ETFBKMT: variants seen among roughly 807,000 people sequenced by gnomAD.
ETFBKMT encodes electron transfer flavoprotein beta subunit lysine methyltransferase.
In ETFBKMT, 13 loss-of-function variants were observed where a neutral mutation model predicts 18.3. That is an observed-to-expected ratio of 0.71 (90% CI 0.46 to 1.13). The LOEUF (loss-of-function observed/expected upper bound fraction) is 1.13, where lower values mean the gene tolerates loss of function less well. ETFBKMT is among the 50% of genes most tolerant of loss of function. The pLI is 0.00. For missense variants in ETFBKMT, 293 were observed against 306.2 expected (o/e 0.96, Z 0.32); for synonymous variants, 84 against 107.9 (o/e 0.78, Z 1.37).
chr12:31,671,528 C>T lies in ETFBKMT; in HGVS notation c.*3538C>T, dbSNP rs1307947133. 2.0e-5 allele frequency: 3 copies of T among 152,092 alleles called. No homozygotes were observed. Among genetic ancestry groups the T allele is most frequent in the Non-Finnish European group, 4.4e-5 (3 of 68,004 alleles). The allele number at this position is 152,092 out of a possible 1,614,324, so 9.4% of individuals were successfully genotyped here. A position where few individuals can be genotyped will look rare whatever the true frequency, so the allele number is the denominator to read the frequency against. Reference sequence around the variant, plus strand: ...AAAGTTTTCACTTGAAAACTAAGACCTTTGCTGTTTATTTCACAATGTGAA... The same window carrying T: ...AAAGTTTTCACTTGAAAACTAAGACTTTTGCTGTTTATTTCACAATGTGAA... On this transcript the variant is annotated 3_prime_UTR_variant, in exon 4 of 4. Coordinates refer to ENST00000357721, the MANE Select transcript of ETFBKMT (RefSeq NM_001135863.2).
chr12:31,649,874 A>G (rs890580824), intron 1 of ETFBKMT, among the ~76,000 whole-genome samples: 1 of 148,600 alleles, frequency 6.7e-6, no homozygotes, highest in African/African-American at 2.5e-5. Context: ...CTCCTGCCTC[A>G]GCCCCCTGAG....
rs765595766 is a variant in ETFBKMT at position 31,667,803 on chromosome 12, A to C, written c.602A>C (p.Gln201Pro). 6.2e-7 allele frequency: 1 copy of C among 1,614,238 alleles called. No individual in the cohort carries two copies. The highest frequency in any genetic ancestry group is 1.1e-5 in the South Asian group (1 of 91,090). ...GAAGACCTTGCAGATAGTCTTCATC[A>C]GTGGCTGAAGAAGTGCTTCTGGACC... ...YDEDLADSLH[Q>P]WLKKCFWTYR... The change falls in exon 4 of 4, where the codon CAG becomes CCG. Residue 201 changes from glutamine (Q) to proline (P), a missense_variant. Coordinates refer to ENST00000357721, the MANE Select transcript of ETFBKMT (RefSeq NM_001135863.2).
At chr12:31,653,844 A>G (rs564287402) in intron 1 of ETFBKMT, among the ~76,000 whole-genome samples, 406 of 151,980 alleles carry the variant, frequency 2.7e-3, no homozygotes, top group Middle Eastern at 6.8e-3. Context: ...GCTATTGGGG[A>G]GGCTGAGGTG....
upstream of ETFBKMT, among the ~76,000 whole-genome samples, chr12:31,658,921 T>C (rs1424638168): frequency 1.6e-5 from 2 of 128,266 alleles, no homozygotes; most frequent in Non-Finnish European, 3.2e-5. Flanking sequence ...GGGCTTATAC[T>C]GTGTCTTTTT....
At chr12:31,665,412 G>A (rs1202570145) in intron 2 of ETFBKMT, among the ~76,000 whole-genome samples, 1 of 152,190 alleles carries the variant, frequency 6.6e-6, no homozygotes, top group African/African-American at 2.4e-5. Flanking sequence ...ACTTGCCAAG[G>A]TTGGACCAAG....
At chr12:31,655,010 C>T (rs577784904), upstream of ETFBKMT, among the ~76,000 whole-genome samples, 9 of 151,058 alleles carry the variant, frequency 6.0e-5, 1 homozygote, top group Non-Finnish European at 1.3e-4. Context: ...GAGCCAAGAT[C>T]GCGCCACTGC....
intron 1 of ETFBKMT, chr12:31,661,115 TTAAAG>T (rs1455328167): frequency 3.9e-5 from 6 of 152,220 alleles, no homozygotes; most frequent in African/African-American, 9.6e-5. Flanking sequence ...CAGAGATGAT[TTAAAG>T]TAAAGTATAC....
At chr12:31,655,301 A>G (rs1951052317), upstream of ETFBKMT, among the ~76,000 whole-genome samples, 1 of 152,216 alleles carries the variant, frequency 6.6e-6, no homozygotes, top group Non-Finnish European at 1.5e-5. Context: ...TACATTAGCC[A>G]GATCCCTACA....
Position 31,671,849 on chromosome 12 carries a change from T to C in ETFBKMT, c.*3859T>C, listed in dbSNP as rs1383403946. The C allele has an allele frequency of 6.5e-6, 1 of 153,882 alleles. No individual in the cohort carries two copies. Among genetic ancestry groups the C allele is most frequent in the Non-Finnish European group, 1.4e-5 (1 of 69,146 alleles). The allele number at this position is 153,882 out of a possible 1,614,324, so 9.5% of individuals were successfully genotyped here. ...TTTTGGCAAATGGGCATTTAAATACTCCAAGAAGGTAAGAGCCAGAAAATA... is the reference window on the plus strand; with the variant it reads ...TTTTGGCAAATGGGCATTTAAATACCCCAAGAAGGTAAGAGCCAGAAAATA... On this transcript the variant is annotated 3_prime_UTR_variant, in exon 4 of 4. Transcript: ENST00000357721.
chr12:31,666,993 T>C (rs577050922), intron 3 of ETFBKMT, among the ~76,000 whole-genome samples: 8 of 146,728 alleles, frequency 5.5e-5, no homozygotes, highest in African/African-American at 2.1e-4. Flanking sequence ...TCAGTTCTTT[T>C]TTTTTCTTTT....
upstream of ETFBKMT, among the ~76,000 whole-genome samples, chr12:31,658,383 G>A (rs998444739): frequency 6.6e-6 from 1 of 152,190 alleles, no homozygotes; most frequent in African/African-American, 2.4e-5. Context: ...ACTGTGAAAT[G>A]CAAGGTGTAT....
chr12:31,649,471 T>G (rs1392360930), intron 1 of ETFBKMT, among the ~76,000 whole-genome samples: 2 of 152,212 alleles, frequency 1.3e-5, no homozygotes, highest in Non-Finnish European at 2.9e-5. Context: ...TTTTACAAAT[T>G]GAACGTTTGT....
rs1442232258 is a variant in ETFBKMT at position 31,672,924 on chromosome 12, ATAC to A, written c.*4940_*4942del. Reference sequence around the variant, plus strand: ...CTGAACATTTTTCCATGTCTGTATAATACTACTATAAAGCATGATTTTAAATAG... The same window carrying A: ...CTGAACATTTTTCCATGTCTGTATAATACTATAAAGCATGATTTTAAATAG... On this transcript the variant is annotated 3_prime_UTR_variant, in exon 4 of 4. Coordinates refer to ENST00000357721, the MANE Select transcript of ETFBKMT (RefSeq NM_001135863.2). 1 of 153,502 alleles carries A rather than the reference ATAC, an allele frequency of 6.5e-6. No homozygotes were observed. The highest frequency in any genetic ancestry group is 1.5e-5 in the Non-Finnish European group (1 of 68,920). 9.5% of individuals were successfully genotyped at this position (153,502 alleles called of 1,614,324 possible).
At chr12:31,659,297 A>G (rs931923356), upstream of ETFBKMT, 1 of 152,272 alleles carries the variant, frequency 6.6e-6, no homozygotes, top group African/African-American at 2.4e-5. Flanking sequence ...GAGCGGGAAC[A>G]GTCGCCAGGG....
intron 2 of ETFBKMT, among the ~76,000 whole-genome samples, chr12:31,665,217 G>T (rs55698487): frequency 0.018 from 2,742 of 152,256 alleles, 72 homozygotes; most frequent in African/African-American, 0.062. Flanking sequence ...ATTACAGGCA[G>T]GAGCCACTGT....
At position 31,668,173 on chromosome 12, in the gene ETFBKMT, A is replaced by G. The variant is rs1951222682; in HGVS notation, c.*183A>G. 3.5e-6 allele frequency: 2 copies of G among 566,844 alleles called. No individual in the cohort carries two copies. Among genetic ancestry groups the G allele is most frequent in the Non-Finnish European group, 6.1e-6 (2 of 328,050 alleles). 35.1% of individuals were successfully genotyped at this position (566,844 alleles called of 1,614,324 possible). On this transcript the variant is annotated 3_prime_UTR_variant, in exon 4 of 4. Coordinates refer to ENST00000357721, the MANE Select transcript of ETFBKMT (RefSeq NM_001135863.2). ...GTCATGTAACTGGTTCTGTATTTCTATGCATGCCAATTATACACATCTCTA... is the reference window on the plus strand; with the variant it reads ...GTCATGTAACTGGTTCTGTATTTCTGTGCATGCCAATTATACACATCTCTA...
At chr12:31,664,421 T>A (rs1172225888) in intron 2 of ETFBKMT, among the ~76,000 whole-genome samples, 1 of 152,118 alleles carries the variant, frequency 6.6e-6, no homozygotes, top group Non-Finnish European at 1.5e-5. Flanking sequence ...CAGTCTTAAT[T>A]CGTGGTGCTC....
rs959908851 is a variant in ETFBKMT, at chr12:31,668,055, A to G, written c.*65A>G. 4 of 1,266,792 alleles carry G rather than the reference A, an allele frequency of 3.2e-6. No individual in the cohort carries two copies. The highest frequency in any genetic ancestry group is 3.0e-5 in the African/African-American group (2 of 66,772). The allele number at this position is 1,266,792 out of a possible 1,614,324, so 78.5% of individuals were successfully genotyped here. On this transcript the variant is annotated 3_prime_UTR_variant, in exon 4 of 4. Coordinates refer to ENST00000357721, the MANE Select transcript of ETFBKMT (RefSeq NM_001135863.2). ...GGATCTGACTCTAAAAGTTTTCTCT[A>G]TAGGAGATACTCTCCAGTTTAATGA...
At chr12:31,663,298 G>A (rs1393371772) in intron 2 of ETFBKMT, among the ~76,000 whole-genome samples, 1 of 152,086 alleles carries the variant, frequency 6.6e-6, no homozygotes, top group Non-Finnish European at 1.5e-5. Flanking sequence ...TCACCATGTT[G>A]ATCAGGCTGG....
Sources: gnomAD v4.1 joint callset for allele counts (sites outside exome capture counted in the v4.1 genomes callset) on GRCh38, gnomAD v4.1.1 for gene constraint, MANE v1.5 for transcripts, NCBI Gene and HGNC (gene_info 2026-07-23, HGNC 2026-07-21) for gene names.